The following MECR variants were observed in gnomAD, a reference collection of about 807,000 sequenced individuals.
MECR encodes enoyl-[acyl-carrier-protein] reductase, mitochondrial.
In MECR, 37 loss-of-function variants were observed where a neutral mutation model predicts 49.1. The observed-to-expected ratio is 0.75, with a 90% CI of 0.58 to 0.99. The LOEUF is 0.99. Among genes scored for constraint, MECR ranks in the 50% least tolerant of loss-of-function variants. The pLI, the probability that MECR is intolerant of heterozygous loss-of-function variation, is 0.00. For synonymous variants in MECR, 198 were observed against 191.1 expected (o/e 1.04, Z -0.30); for missense variants, 470 against 479.6 (o/e 0.98, Z 0.19).
chr1:29,181,866 A>G, the MECR span: 1 of 795,846 alleles, frequency 1.3e-6, no homozygotes, highest in Non-Finnish European at 1.8e-6. Context: ...GGCGGGACGG[A>G]CGCAGCCGAA....
chr1:29,203,962 G>A (rs1247383068), intron 4 of MECR, among the ~76,000 whole-genome samples: 1 of 152,228 alleles, frequency 6.6e-6, no homozygotes, highest in Admixed American at 6.5e-5. Context: ...GGAAGGCGGT[G>A]TGACATGCTG....
At chr1:29,171,154 C>T in the MECR span, 1 of 151,992 alleles carries the variant, frequency 6.6e-6, no homozygotes, top group Non-Finnish European at 1.5e-5. Flanking sequence ...AAGCTGATAC[C>T]ACCTTACAGC....
chr1:29,177,303 C>G, the MECR span, among the ~76,000 whole-genome samples: 1 of 136,210 alleles, frequency 7.3e-6, no homozygotes, highest in African/African-American at 2.8e-5. Context: ...TTTTTTGAGA[C>G]GAAGTTTTGC....
chr1:29,213,357 C>T (rs1678504053), intron 3 of MECR, among the ~76,000 whole-genome samples: 1 of 152,144 alleles, frequency 6.6e-6, no homozygotes, highest in Non-Finnish European at 1.5e-5. Flanking sequence ...GGCAGCCTTC[C>T]TGATCTCAGA....
At chr1:29,230,297 A>G (rs1266093668) in intron 1 of MECR, 1 of 177,798 alleles carries the variant, frequency 5.6e-6, no homozygotes, top group Non-Finnish European at 1.2e-5. Context: ...TAATAATAAT[A>G]GTAAGAACTC....
chr1:29,207,778 T>C (rs946469732), intron 3 of MECR, among the ~76,000 whole-genome samples: 10 of 151,836 alleles, frequency 6.6e-5, no homozygotes, highest in Admixed American at 6.6e-4. Flanking sequence ...CAAAACAAAA[T>C]ATGCCAAATA....
the MECR span, chr1:29,170,487 G>C: frequency 6.6e-6 from 1 of 152,120 alleles, no homozygotes; most frequent in African/African-American, 2.4e-5. Flanking sequence ...ATGCCTCTTG[G>C]ATCATCTTGG....
At chr1:29,196,081 A>C in intron 8 of MECR, 68 bp from the exon 9 acceptor site, 1 of 1,595,932 alleles carries the variant, frequency 6.3e-7, no homozygotes, top group Non-Finnish European at 8.6e-7. Context: ...AAGGGTACAG[A>C]CTCCCCTCCA....
the MECR span, among the ~76,000 whole-genome samples, chr1:29,175,799 T>C: frequency 6.6e-6 from 1 of 151,890 alleles, no homozygotes; most frequent in Non-Finnish European, 1.5e-5. Context: ...AAGAGAGTTA[T>C]TCAAACACGC....
intron 1 of MECR, among the ~76,000 whole-genome samples, chr1:29,226,446 C>A (rs7522989): frequency 0.37 from 56,245 of 151,966 alleles, 11,179 homozygotes; most frequent in Non-Finnish European, 0.44. Context: ...ACCTTTTTCC[C>A]AATTTTATAG....
At chr1:29,190,740 G>A (rs1673104340), downstream of MECR, among the ~76,000 whole-genome samples, 1 of 149,088 alleles carries the variant, frequency 6.7e-6, no homozygotes, top group Non-Finnish European at 1.5e-5. Flanking sequence ...AGTGAGCCGA[G>A]ATTGCACCAC....
intron 1 of MECR, among the ~76,000 whole-genome samples, chr1:29,227,839 G>A (rs968247084): frequency 9.2e-5 from 14 of 152,186 alleles, no homozygotes; most frequent in African/African-American, 3.4e-4. Flanking sequence ...TCTGGCTTCA[G>A]TCCATACGAG....
intron 5 of MECR, among the ~76,000 whole-genome samples, chr1:29,202,397 T>C (rs184705077): frequency 1.3e-5 from 2 of 152,322 alleles, no homozygotes; most frequent in Non-Finnish European, 2.9e-5. Flanking sequence ...CTTCAGAGTG[T>C]TGGACATACA....
chr1:29,202,770 G>A (rs1351995957), intron 5 of MECR, among the ~76,000 whole-genome samples: 1 of 152,174 alleles, frequency 6.6e-6, no homozygotes, highest in African/African-American at 2.4e-5. Flanking sequence ...CCTTGGGTTA[G>A]ACAGTTCACA....
At chr1:29,174,854 A>G in the MECR span, among the ~76,000 whole-genome samples, 5 of 151,702 alleles carry the variant, frequency 3.3e-5, no homozygotes, top group East Asian at 9.8e-4. Context: ...TTGTATTTTT[A>G]GTAGAGACAG....
chr1:29,202,116 G>GGTGGA, intron 5 of MECR, 71 bp from the exon 6 acceptor site: 1 of 1,305,938 alleles, frequency 7.7e-7, no homozygotes, highest in Non-Finnish European at 1.1e-6. Flanking sequence ...GGACCTCTCT[G>GGTGGA]CCACAGCTGG....
chr1:29,210,446 G>C (rs1291388392), intron 3 of MECR, among the ~76,000 whole-genome samples: 1 of 152,178 alleles, frequency 6.6e-6, no homozygotes, highest in African/African-American at 2.4e-5. Context: ...CCCCGGACTG[G>C]CCTTCAAATC....
chr1:29,193,799 G>A lies in MECR; in HGVS notation c.*223C>T, dbSNP rs528665448. The A allele has an allele frequency of 5.4e-6, 3 of 556,000 alleles. No homozygotes were observed. The highest frequency in any genetic ancestry group is 3.2e-5 in the East Asian group (1 of 31,708). 34.4% of individuals were successfully genotyped at this position (556,000 alleles called of 1,614,324 possible). ...CCAGTGCACAGTGTTGGTCCTTCTC[G>A]ACAGGGATGACTTCTACTTTTTGGA... On this transcript the variant is annotated 3_prime_UTR_variant, in exon 10 of 10. Coordinates refer to ENST00000263702, the MANE Select transcript of MECR (RefSeq NM_016011.5).
At chr1:29,172,346 G>C in the MECR span, 13 of 152,142 alleles carry the variant, frequency 8.5e-5, no homozygotes, top group African/African-American at 2.9e-4. Flanking sequence ...CCAAGCTGGA[G>C]TGGAATGGTG....
Sources: gnomAD v4.1 joint callset for allele counts (sites outside exome capture counted in the v4.1 genomes callset) on GRCh38, gnomAD v4.1.1 for gene constraint, MANE v1.5 for transcripts, NCBI Gene and HGNC (gene_info 2026-07-23, HGNC 2026-07-21) for gene names.